The following GPR89B variants were observed in gnomAD, a reference collection of about 807,000 sequenced individuals.
GPR89B encodes golgi pH regulator B.
A neutral mutation model predicts 52.4 loss-of-function variants in GPR89B; 25 were observed. That is an observed-to-expected ratio of 0.48 (90% CI 0.35 to 0.67). GPR89B has a LOEUF of 0.67. Among genes scored for constraint, GPR89B ranks in the 30% least tolerant of loss-of-function variants. GPR89B has a pLI of 0.01. For synonymous variants in GPR89B, 52 were observed against 151.2 expected (o/e 0.34, Z 4.81); for missense variants, 146 against 450.2 (o/e 0.32, Z 6.11).
chr1:147,946,550 A>G (rs781874148), intron 5 of GPR89B, among the ~76,000 whole-genome samples: 1 of 152,050 alleles, frequency 6.6e-6, no homozygotes, highest in Non-Finnish European at 1.5e-5. Context: ...ACAGACAGAC[A>G]CATTTATCTG....
At chr1:147,978,473 C>G (rs1571305151) in intron 10 of GPR89B, among the ~76,000 whole-genome samples, 1 of 151,740 alleles carries the variant, frequency 6.6e-6, no homozygotes, top group African/African-American at 2.4e-5. Flanking sequence ...CAGGGACCTG[C>G]TTAAGGAAGC....
At chr1:148,006,686 G>T in the GPR89B span, among the ~76,000 whole-genome samples, 1 of 150,562 alleles carries the variant, frequency 6.6e-6, no homozygotes, top group African/African-American at 2.4e-5. Flanking sequence ...ATTAAATCGA[G>T]AACTTTTCAC....
chr1:147,928,695 C>T, intron 1 of GPR89B, 117 bp downstream of exon 1: 3 of 1,425,474 alleles, frequency 2.1e-6, no homozygotes, highest in Non-Finnish European at 3.0e-6. Flanking sequence ...GCGGCCTGCG[C>T]CAGTCACTCT....
intron 5 of GPR89B, among the ~76,000 whole-genome samples, chr1:147,950,431 AC>A (rs1162625687): frequency 6.9e-6 from 1 of 144,082 alleles, no homozygotes; most frequent in African/African-American, 2.7e-5. Context: ...CCGGGCAGAG[AC>A]GCTCCTCACT....
At chr1:147,945,170 C>G (rs1232930799) in intron 5 of GPR89B, among the ~76,000 whole-genome samples, 6 of 139,304 alleles carry the variant, frequency 4.3e-5, no homozygotes, top group African/African-American at 1.4e-4. Context: ...GGACCTCAGT[C>G]CCAGCTGTTT....
In GPR89B at chr1:147,977,400, G is replaced by A. The variant is rs1451078094; in HGVS notation, c.909+7441G>A. Among the ~76,000 whole-genome samples the A allele has an allele frequency of 5.3e-5, 8 of 151,102 alleles. 1 individual carries two copies. Among genetic ancestry groups the A allele is most frequent in the South Asian group, 2.1e-4 (1 of 4,794 alleles). ...CCCTTAACATTTTTTCCTTCATTTC[G>A]ACCTTGGAGAATCTGATGATTATGT... On this transcript the variant is annotated intron_variant, in intron 10 of 13. Coordinates refer to ENST00000314163, the MANE Select transcript of GPR89B (RefSeq NM_016334.5).
At chr1:147,995,996 A>G, downstream of GPR89B, 4 of 834,060 alleles carry the variant, frequency 4.8e-6, no homozygotes, top group Non-Finnish European at 5.9e-6. Context: ...TAATCATGTT[A>G]TTATTTCTCC....
At chr1:147,994,679 G>A (rs2784409), downstream of GPR89B, among the ~76,000 whole-genome samples, 5 of 152,174 alleles carry the variant, frequency 3.3e-5, no homozygotes, top group East Asian at 1.9e-4. Flanking sequence ...TATTTCTTTT[G>A]TATAAGACTA....
At chr1:148,002,408 C>T in the GPR89B span, among the ~76,000 whole-genome samples, 1 of 152,160 alleles carries the variant, frequency 6.6e-6, no homozygotes, top group Admixed American at 6.5e-5. Context: ...GCTTTCCCTT[C>T]CCCAGTCCTT....
the GPR89B span, among the ~76,000 whole-genome samples, chr1:147,999,597 CAAA>C: frequency 1.9e-5 from 2 of 107,488 alleles, no homozygotes; most frequent in Non-Finnish European, 2.0e-5. Context: ...GACAACGTCT[CAAA>C]AAAAAAAAAA....
chr1:148,009,892 G>T, the GPR89B span, among the ~76,000 whole-genome samples: 314 of 152,210 alleles, frequency 2.1e-3, no homozygotes, highest in African/African-American at 6.9e-3. Flanking sequence ...AGAAAGGTAT[G>T]TAAGCTCGGG....
intron 3 of GPR89B, among the ~76,000 whole-genome samples, chr1:147,942,486 C>T (rs1307393690): frequency 3.3e-5 from 5 of 151,996 alleles, no homozygotes; most frequent in African/African-American, 7.2e-5. Context: ...TGAAAACATA[C>T]GTCCACACCA....
At chr1:148,009,346 G>C in the GPR89B span, 2 of 1,611,956 alleles carry the variant, frequency 1.2e-6, no homozygotes, top group Non-Finnish European at 1.7e-6. Flanking sequence ...TTCTCACCTT[G>C]GACAGTTTTC....
In GPR89B at chr1:147,973,284, A is replaced by G. The variant is rs1657607407; in HGVS notation, c.909+3325A>G. Among the ~76,000 whole-genome samples, 4 of 152,180 alleles carry G rather than the reference A, an allele frequency of 2.6e-5. No individual in the cohort carries two copies. The South Asian group carries it at 8.3e-4, about 32-fold the overall frequency. ...TAATGTACATTCCCACCAACAGTGTAAAAGCGTTCCTATTTCTCTGTAGCC... is the reference window on the plus strand; with the variant it reads ...TAATGTACATTCCCACCAACAGTGTGAAAGCGTTCCTATTTCTCTGTAGCC... On this transcript the variant is annotated intron_variant, in intron 10 of 13. Coordinates refer to ENST00000314163, the MANE Select transcript of GPR89B (RefSeq NM_016334.5).
intron 7 of GPR89B, among the ~76,000 whole-genome samples, chr1:147,964,640 C>T (rs1268353804): frequency 8.6e-5 from 13 of 151,484 alleles, no homozygotes; most frequent in Admixed American, 4.6e-4. Flanking sequence ...TTGATAAGAG[C>T]AAAATTGGTT....
intron 10 of GPR89B, among the ~76,000 whole-genome samples, chr1:147,983,862 A>G (rs1161798490): frequency 3.9e-5 from 6 of 152,112 alleles, no homozygotes; most frequent in Non-Finnish European, 8.8e-5. Flanking sequence ...ATGTTGCTAT[A>G]AAGACACATG....
chr1:148,005,462 T>C, the GPR89B span: 3 of 1,604,994 alleles, frequency 1.9e-6, no homozygotes, highest in Non-Finnish European at 1.7e-6. Context: ...CCAGCTCTCA[T>C]AGCCACACCT....
chr1:148,006,848 C>T, the GPR89B span, among the ~76,000 whole-genome samples: 8 of 151,924 alleles, frequency 5.3e-5, 2 homozygotes, highest in African/African-American at 1.9e-4. Context: ...TCTCGAGTAG[C>T]TGGGACTACA....
At chr1:147,950,960 TGGG>T (rs1655636953) in intron 5 of GPR89B, among the ~76,000 whole-genome samples, 1 of 150,854 alleles carries the variant, frequency 6.6e-6, no homozygotes, top group Non-Finnish European at 1.5e-5. Context: ...GAGAGGGAGA[TGGG>T]GGAGAGGGAG....
Sources: gnomAD v4.1 joint callset for allele counts (sites outside exome capture counted in the v4.1 genomes callset) on GRCh38, gnomAD v4.1.1 for gene constraint, MANE v1.5 for transcripts, NCBI Gene and HGNC (gene_info 2026-07-23, HGNC 2026-07-21) for gene names.